The following MACROH2A1 variants were observed in gnomAD, a reference collection of about 807,000 sequenced individuals.
MACROH2A1 encodes the protein macroH2A.1 histone, also known as core histone macro-H2A.1.
MACROH2A1 carries 2 observed loss-of-function variants against 31.6 expected under a neutral mutation model. The ratio of observed to expected loss-of-function variants is 0.06; its 90% CI spans 0.03 to 0.20. The LOEUF is 0.20. MACROH2A1 is among the 10% of genes least tolerant of loss of function. MACROH2A1 has a pLI of 1.00. For synonymous variants in MACROH2A1, 169 were observed against 189.6 expected, an observed-to-expected ratio of 0.89 and a Z score of 0.89; for missense variants, 230 against 474.0, an observed-to-expected ratio of 0.49 and a Z score of 4.78.
In MACROH2A1 at chr5:135,398,978, A is replaced by G. The variant is rs1768471346; in HGVS notation, c.-34+84T>C. ...GGCCCGCACCACACCGGTGCGCGCC[A>G]GGCCGGGCCGCTCCCGGGCACCCGC... On this transcript the variant is annotated intron_variant, in intron 1 of 8. Coordinates refer to ENST00000511689, the MANE Select transcript of MACROH2A1 (RefSeq NM_138610.3). The surrounding 1 kb of genome is among the most constrained non-coding windows in gnomAD (Gnocchi z 4.6). 6.8e-6 allele frequency: 1 copy of G among 147,112 alleles called. No homozygotes were observed. The highest frequency in any genetic ancestry group is 2.2e-4 in the South Asian group (1 of 4,596). The allele number at this position is 147,112 out of a possible 1,614,324, so 9.1% of individuals were successfully genotyped here. A position where few individuals can be genotyped will look rare whatever the true frequency, so the allele number is the denominator to read the frequency against.
chr5:135,338,513 T>C (rs1447262562), intron 8 of MACROH2A1, among the ~76,000 whole-genome samples: 1 of 152,218 alleles, frequency 6.6e-6, no homozygotes, highest in African/African-American at 2.4e-5. Context: ...ACTGGGTAAC[T>C]GCTGTTGTCG....
chr5:135,383,700 GGTGTGTGTGTGTGT>G (rs61338247), intron 2 of MACROH2A1, among the ~76,000 whole-genome samples: 104 of 137,218 alleles, frequency 7.6e-4, no homozygotes, highest in South Asian at 5.9e-3. Flanking sequence ...GATGTGGTGT[GGTGTGTGTGTGTGT>G]GTGTGTGTGT....
intron 2 of MACROH2A1, among the ~76,000 whole-genome samples, chr5:135,370,508 G>C (rs1561629699): frequency 6.6e-6 from 1 of 151,672 alleles, no homozygotes; most frequent in Non-Finnish European, 1.5e-5. Context: ...CAAACCCAAA[G>C]TCCTCAGTGT....
chr5:135,358,636 A>C, intron 5 of MACROH2A1: 1 of 979,502 alleles, frequency 1.0e-6, no homozygotes, highest in South Asian at 4.7e-5. Flanking sequence ...CAAGATAAGC[A>C]CATTAATTTC....
At chr5:135,360,884 C>T in intron 4 of MACROH2A1, 1 of 580,658 alleles carries the variant, frequency 1.7e-6, no homozygotes, top group Non-Finnish European at 3.1e-6. Context: ...TAGAATAGAA[C>T]CATTTTCATA....
intron 2 of MACROH2A1, among the ~76,000 whole-genome samples, chr5:135,376,186 T>G (rs1382092276): frequency 6.6e-6 from 1 of 152,074 alleles, no homozygotes; most frequent in Non-Finnish European, 1.5e-5. Flanking sequence ...ATTCCAAAGA[T>G]GGTTCCAAGC....
chr5:135,361,023 A>C (rs1278784571), intron 4 of MACROH2A1: 1 of 343,772 alleles, frequency 2.9e-6, no homozygotes, highest in Non-Finnish European at 5.6e-6. Context: ...AAGCCGACTA[A>C]GGACTATAAC....
At chr5:135,361,414 T>C (rs1762833184) in intron 4 of MACROH2A1, 1 of 152,198 alleles carries the variant, frequency 6.6e-6, no homozygotes. Context: ...AATACTAATA[T>C]GGCACACCAC....
chr5:135,358,965 C>A, intron 5 of MACROH2A1: 1 of 985,376 alleles, frequency 1.0e-6, no homozygotes, highest in Non-Finnish European at 1.2e-6. Flanking sequence ...CCAGGGCTAA[C>A]AAACAGAGCC....
intron 8 of MACROH2A1, among the ~76,000 whole-genome samples, chr5:135,335,714 C>T (rs1252117087): frequency 6.6e-6 from 1 of 152,128 alleles, no homozygotes; most frequent in Admixed American, 6.5e-5. Context: ...TCCAAGTTTC[C>T]AAGCCAAATG....
chr5:135,337,264 C>T (rs151101639), intron 8 of MACROH2A1, among the ~76,000 whole-genome samples: 15 of 152,378 alleles, frequency 9.8e-5, no homozygotes, highest in African/African-American at 2.9e-4. Context: ...TAGCTGCAGC[C>T]GGGCTGCATG....
At chr5:135,343,511 T>C (rs1339186268) in intron 7 of MACROH2A1, 77 bp from the exon 8 acceptor site, 7 of 1,579,822 alleles carry the variant, frequency 4.4e-6, no homozygotes, top group Non-Finnish European at 4.3e-6. Flanking sequence ...ACAGACCCAC[T>C]CCCCTGCCAC....
intron 4 of MACROH2A1, chr5:135,361,453 A>G (rs1006115634): frequency 1.3e-5 from 2 of 152,234 alleles, no homozygotes; most frequent in African/African-American, 4.8e-5. Flanking sequence ...TGTTTTTGGC[A>G]TATTTCTATT....
At chr5:135,345,614 G>A (rs1269521356) in intron 7 of MACROH2A1, 4 of 198,954 alleles carry the variant, frequency 2.0e-5, no homozygotes, top group African/African-American at 9.3e-5. Flanking sequence ...ACAGATGGCT[G>A]AAGATTTTTA....
intron 8 of MACROH2A1, among the ~76,000 whole-genome samples, chr5:135,339,940 G>GTCTC (rs1759507503): frequency 6.6e-6 from 1 of 152,234 alleles, no homozygotes; most frequent in African/African-American, 2.4e-5. Context: ...CCATTCAAAG[G>GTCTC]TCTCTTGAGT....
chr5:135,396,330 A>G (rs1767977511), intron 1 of MACROH2A1, among the ~76,000 whole-genome samples: 1 of 152,212 alleles, frequency 6.6e-6, no homozygotes. Flanking sequence ...CGTGTTCCCA[A>G]TAAGAATAAA....
chr5:135,348,332 T>C (rs1187995225), intron 6 of MACROH2A1, among the ~76,000 whole-genome samples: 1 of 152,220 alleles, frequency 6.6e-6, no homozygotes, highest in Non-Finnish European at 1.5e-5. Flanking sequence ...AGCATAAACA[T>C]GTGTTACTCC....
chr5:135,391,586 C>T (rs551178205), intron 1 of MACROH2A1, among the ~76,000 whole-genome samples: 1 of 152,352 alleles, frequency 6.6e-6, no homozygotes, highest in East Asian at 1.9e-4. Flanking sequence ...CAGTGCAACA[C>T]CTGGCCGCTG....
In MACROH2A1 at chr5:135,334,904, T is replaced by A; in HGVS notation, c.*72A>T. 7.6e-7 allele frequency: 1 copy of A among 1,307,620 alleles called. No homozygotes were observed. The highest frequency in any genetic ancestry group is 1.4e-5 in the South Asian group (1 of 71,792). 81.0% of individuals were successfully genotyped at this position (1,307,620 alleles called of 1,614,324 possible). A position where few individuals can be genotyped will look rare whatever the true frequency, so the allele number is the denominator to read the frequency against. ...AAGGGGTCCCACCTCCCAGTAGGAG[T>A]GAAGGGGATTTTTTTTTTCTTTTAA... On this transcript the variant is annotated 3_prime_UTR_variant, in exon 9 of 9. Coordinates refer to ENST00000511689, the MANE Select transcript of MACROH2A1 (RefSeq NM_138610.3).
Sources: gnomAD v4.1 joint callset for allele counts (sites outside exome capture counted in the v4.1 genomes callset) on GRCh38, gnomAD v4.1.1 for gene constraint, Gnocchi (gnomAD v3.1) non-coding constraint, MANE v1.5 for transcripts, NCBI Gene and HGNC (gene_info 2026-07-23, HGNC 2026-07-21) for gene names.